Variants in PDE6A observed in about 807,000 individuals in gnomAD.
PDE6A encodes rod cGMP-specific 3',5'-cyclic phosphodiesterase subunit alpha.
In PDE6A, 84 loss-of-function variants were observed where a neutral mutation model predicts 106.3. The ratio of observed to expected loss-of-function variants is 0.79; its 90% confidence interval spans 0.66 to 0.95. PDE6A has a LOEUF of 0.95. PDE6A is among the 40% of genes least tolerant of loss of function. The pLI, the probability that PDE6A is intolerant of heterozygous loss-of-function variation, is 0.00. For synonymous variants in PDE6A, 394 were observed against 386.6 expected, an observed-to-expected ratio of 1.02 and a Z score of -0.23; for missense variants, 1,052 against 1,084.9, an observed-to-expected ratio of 0.97 and a Z score of 0.43.
chr5:149,905,829 G>C (rs1311192734), intron 7 of PDE6A, among the ~76,000 whole-genome samples: 2 of 152,116 alleles, frequency 1.3e-5, no homozygotes, highest in Non-Finnish European at 2.9e-5. Context: ...CCACTTCCCA[G>C]GAAGCTGCTA....
At chr5:149,909,300 G>A (rs747213818) in intron 6 of PDE6A, among the ~76,000 whole-genome samples, 3 of 152,262 alleles carry the variant, frequency 2.0e-5, no homozygotes, top group Middle Eastern at 3.4e-3. Context: ...AGGACTGTAG[G>A]CATGTGCCAT....
Position 149,934,484 on chromosome 5 carries a change from G to A in PDE6A, c.627+82C>T. The A allele has an allele frequency of 4.2e-6, 6 of 1,429,492 alleles. No homozygotes were observed. The South Asian group carries it at 4.6e-5, about 11-fold the overall frequency. 88.6% of individuals were successfully genotyped at this position (1,429,492 alleles called of 1,614,324 possible). ...TTACAGATGGGAAAACTGAGGCCAG[G>A]TCAAACAGCAAAGTTCAGGGGACTT... On this transcript the variant is annotated intron_variant, in intron 2 of 21. Transcript: ENST00000255266.
Position 149,898,509 on chromosome 5 carries a change from GA to G in PDE6A, c.1264-4del. 6.2e-7 allele frequency: 1 copy of G among 1,612,236 alleles called. No individual in the cohort carries two copies. ...CAGCCCAGAAATTGAGTCAAAGACTGAAAAAGAAAGAAAGGAGGAATCAGAG... is the reference window on the plus strand; with the variant it reads ...CAGCCCAGAAATTGAGTCAAAGACTGAAAAGAAAGAAAGGAGGAATCAGAG... On this transcript the variant is annotated splice_region_variant and splice_polypyrimidine_tract_variant and intron_variant, in intron 9 of 21. Coordinates refer to ENST00000255266, the MANE Select transcript of PDE6A (RefSeq NM_000440.3).
intron 1 of PDE6A, among the ~76,000 whole-genome samples, chr5:149,937,981 T>C (rs142833188): frequency 2.3e-4 from 35 of 152,346 alleles, no homozygotes; most frequent in African/African-American, 6.3e-4. Flanking sequence ...GATTGACAGA[T>C]TGATTCATTC....
At chr5:149,934,158 C>A in intron 2 of PDE6A, 139 bp from the exon 3 acceptor site, 1 of 688,684 alleles carries the variant, frequency 1.5e-6, no homozygotes. Flanking sequence ...AGAATGCAGA[C>A]TCATAAGATG....
At chr5:149,924,598 T>C (rs1038174019) in intron 4 of PDE6A, among the ~76,000 whole-genome samples, 3 of 152,074 alleles carry the variant, frequency 2.0e-5, no homozygotes, top group Non-Finnish European at 4.4e-5. Context: ...GAGAGAGGAT[T>C]CCTACTTCTG....
chr5:149,903,513 G>T, intron 8 of PDE6A, 135 bp downstream of exon 8: 1 of 743,002 alleles, frequency 1.3e-6, no homozygotes, highest in East Asian at 2.6e-5. Context: ...CATTGGTACA[G>T]GAATTTTATC....
intron 5 of PDE6A, among the ~76,000 whole-genome samples, chr5:149,920,942 A>AAAAGAAAAAGAAAG (rs1753688077): frequency 9.2e-6 from 1 of 108,282 alleles, no homozygotes; most frequent in Non-Finnish European, 1.8e-5. Flanking sequence ...GAAAGAGAGA[A>AAAAGAAAAAGAAAG]AAAGAAAGAA....
chr5:149,932,618 A>C, intron 3 of PDE6A: 1 of 1,612,618 alleles, frequency 6.2e-7, no homozygotes, highest in Non-Finnish European at 8.5e-7. Context: ...TTCGCTGACT[A>C]ATGCCTTCAG....
At position 149,898,483 on chromosome 5, in the gene PDE6A, C is replaced by G; in HGVS notation, c.1287G>C (p.Trp429Cys). The G allele has an allele frequency of 6.2e-7, 1 of 1,613,602 alleles. No homozygotes were observed. Among genetic ancestry groups the G allele is most frequent in the Non-Finnish European group, 8.5e-7 (1 of 1,179,930 alleles). ...CATAGGTGTCAGGATTTAAGACAGA[C>G]CAGCCCAGAAATTGAGTCAAAGACT... ...LMESLTQFLG[W>C]SVLNPDTYES... Residue 429 changes from tryptophan to cysteine, a missense_variant, in exon 10 of 22, where the codon TGG (tryptophan) becomes TGC (cysteine). Trp to Cys is a radical substitution (Grantham distance 215). Coordinates refer to ENST00000255266, the MANE Select transcript of PDE6A (RefSeq NM_000440.3).
intron 14 of PDE6A, 124 bp downstream of exon 14, chr5:149,886,141 G>T: frequency 1.4e-6 from 1 of 739,530 alleles, no homozygotes; most frequent in Non-Finnish European, 2.4e-6. Flanking sequence ...GATCCCAAGG[G>T]CAGAAGGCGG....
intron 5 of PDE6A, among the ~76,000 whole-genome samples, chr5:149,919,851 A>C (rs1357166362): frequency 6.6e-6 from 1 of 152,232 alleles, no homozygotes; most frequent in Admixed American, 6.5e-5. Context: ...TTAAATATTT[A>C]AAACATACAC....
At chr5:149,870,658 A>G (rs1257604783) in intron 17 of PDE6A, among the ~76,000 whole-genome samples, 1 of 151,806 alleles carries the variant, frequency 6.6e-6, no homozygotes, top group East Asian at 1.9e-4. Context: ...ATGAGGCTTC[A>G]CATTCACTCC....
intron 5 of PDE6A, among the ~76,000 whole-genome samples, chr5:149,915,878 A>C (rs1044022817): frequency 1.3e-5 from 2 of 152,158 alleles, no homozygotes; most frequent in African/African-American, 4.8e-5. Context: ...TCTAGGACTA[A>C]TTTTACCCAC....
At chr5:149,937,231 C>T (rs1023515638) in intron 1 of PDE6A, among the ~76,000 whole-genome samples, 21 of 152,078 alleles carry the variant, frequency 1.4e-4, no homozygotes, top group South Asian at 2.1e-4. Flanking sequence ...GGCTGGTCCT[C>T]GTGAGGAACA....
At position 149,944,452 on chromosome 5, in the gene PDE6A, T is replaced by A. The variant is rs762500591; in HGVS notation, c.222A>T (p.Thr74=). ...LLRDFQENLQ[T]EKCIFNVMKK... Reference sequence around the variant, plus strand: ...TCATGACATTGAAGATGCATTTCTCTGTCTGTAAATTCTCCTGAAAGTCCC... The same window carrying A: ...TCATGACATTGAAGATGCATTTCTCAGTCTGTAAATTCTCCTGAAAGTCCC... The change falls in exon 1 of 22, where the codon ACA becomes ACT. Residue 74 remains threonine, a synonymous_variant. Coordinates refer to ENST00000255266, the MANE Select transcript of PDE6A (RefSeq NM_000440.3). 1 of 1,614,066 alleles carries A rather than the reference T, an allele frequency of 6.2e-7. No individual in the cohort carries two copies. The highest frequency in any genetic ancestry group is 8.5e-7 in the Non-Finnish European group (1 of 1,180,038).
chr5:149,902,819 C>T (rs1753031313), intron 8 of PDE6A, among the ~76,000 whole-genome samples: 1 of 145,994 alleles, frequency 6.8e-6, no homozygotes, highest in African/African-American at 2.6e-5. Flanking sequence ...GAGACTCCGT[C>T]TCAAAAAAAA....
intron 19 of PDE6A, chr5:149,867,259 C>A (rs910313059): frequency 4.7e-5 from 10 of 214,230 alleles, no homozygotes. Flanking sequence ...GGGAAGCTGG[C>A]TGACTGTCTC....
At chr5:149,893,445 C>A (rs1381376295) in intron 13 of PDE6A, among the ~76,000 whole-genome samples, 3 of 152,196 alleles carry the variant, frequency 2.0e-5, no homozygotes, top group Non-Finnish European at 4.4e-5. Context: ...CGTACTCTGA[C>A]CTTTCTAATT....
Sources: allele counts gnomAD v4.1 joint callset (sites outside exome capture counted in the v4.1 genomes callset), GRCh38; gene constraint gnomAD v4.1.1; transcripts MANE v1.5; gene names NCBI Gene and HGNC (gene_info 2026-07-23, HGNC 2026-07-21).